Variants in SEC22C observed in about 807,000 individuals in gnomAD.
The protein encoded by SEC22C is SEC22 homolog C, vesicle trafficking protein.
In SEC22C, 29 loss-of-function variants were observed where a neutral mutation model predicts 34.7. The observed-to-expected ratio is 0.84, with a 90% CI of 0.62 to 1.14. SEC22C has a LOEUF of 1.14. Ranked by LOEUF, SEC22C falls within the 50% of genes most tolerant of loss-of-function variation. SEC22C has a pLI of 0.00. For missense variants in SEC22C, 337 were observed against 369.0 expected, an observed-to-expected ratio of 0.91 and a Z score of 0.71; for synonymous variants, 117 against 132.8, an observed-to-expected ratio of 0.88 and a Z score of 0.82.
intron 3 of SEC22C, among the ~76,000 whole-genome samples, chr3:42,563,212 C>T (rs1269247934): frequency 6.6e-6 from 1 of 152,236 alleles, no homozygotes; most frequent in Non-Finnish European, 1.5e-5. Flanking sequence ...ATTTATAAAA[C>T]AGGCGGCTGG....
At chr3:42,582,723 TCTAGG>T (rs535421720), upstream of SEC22C, among the ~76,000 whole-genome samples, 32 of 152,258 alleles carry the variant, frequency 2.1e-4, no homozygotes, top group South Asian at 4.1e-3. Flanking sequence ...TACAGAAGCT[TCTAGG>T]CTGGTGTTGG....
At position 42,551,722 on chromosome 3, in the gene SEC22C, A is replaced by C; in HGVS notation, c.*1526T>G. 1 of 960,154 alleles carries C rather than the reference A, an allele frequency of 1.0e-6. No homozygotes were observed. Among genetic ancestry groups the C allele is most frequent in the Non-Finnish European group, 1.2e-6 (1 of 806,932 alleles). 59.5% of individuals were successfully genotyped at this position (960,154 alleles called of 1,614,324 possible). A position where few individuals can be genotyped will look rare whatever the true frequency, so the allele number is the denominator to read the frequency against. On this transcript the variant is annotated 3_prime_UTR_variant, in exon 7 of 7. Coordinates refer to ENST00000264454, the MANE Select transcript of SEC22C (RefSeq NM_032970.4). ...TACTATGGCAACATTTTCCCAACAT[A>C]GTTCCCAGTATATAAACTTATTTTT...
intron 1 of SEC22C, among the ~76,000 whole-genome samples, chr3:42,598,093 G>A (rs187151145): frequency 1.3e-4 from 20 of 152,218 alleles, no homozygotes; most frequent in Admixed American, 3.3e-4. Flanking sequence ...CAAAATAATT[G>A]AAAGCAGGTT....
intron 1 of SEC22C, chr3:42,591,247 T>C: frequency 1.8e-6 from 1 of 551,032 alleles, no homozygotes; most frequent in Non-Finnish European, 3.2e-6. Flanking sequence ...TCGCCCAGGC[T>C]GGAGTGCAGT....
intron 1 of SEC22C, among the ~76,000 whole-genome samples, chr3:42,581,029 A>G (rs1704306127): frequency 2.0e-5 from 3 of 152,236 alleles, no homozygotes; most frequent in Non-Finnish European, 4.4e-5. Context: ...TGCAAATGCA[A>G]ACACTTAAAT....
chr3:42,572,656 T>C (rs1703719388), intron 1 of SEC22C, among the ~76,000 whole-genome samples: 1 of 152,218 alleles, frequency 6.6e-6, no homozygotes, highest in Non-Finnish European at 1.5e-5. Flanking sequence ...TTGCTTCCCC[T>C]GCTGGAGTGG....
At position 42,551,353 on chromosome 3, in the gene SEC22C, CT is replaced by C. The variant is rs561888963; in HGVS notation, c.*1894del. 8.4e-3 allele frequency: 8,280 copies of C among 984,868 alleles called. 42 individuals are homozygous for C. The highest frequency in any genetic ancestry group is 9.5e-3 in the Non-Finnish European group (7,856 of 829,596). 61.0% of individuals were successfully genotyped at this position (984,868 alleles called of 1,614,324 possible). A position where few individuals can be genotyped will look rare whatever the true frequency, so the allele number is the denominator to read the frequency against. On this transcript the variant is annotated 3_prime_UTR_variant, in exon 7 of 7. Transcript: ENST00000264454. ...TGCCAATATAATTTTCATATTCAGA[CT>C]TTTTAGAGACAGGGTTTCACTCTGT... is the stretch of plus-strand genomic sequence containing the variant.
chr3:42,558,543 T>C (rs1333840272), intron 4 of SEC22C, among the ~76,000 whole-genome samples: 1 of 148,936 alleles, frequency 6.7e-6, no homozygotes, highest in Non-Finnish European at 1.5e-5. Flanking sequence ...TCCCAGCACT[T>C]TGGGAGGCTA....
At chr3:42,590,511 C>G (rs1704782843) in intron 1 of SEC22C, among the ~76,000 whole-genome samples, 1 of 151,734 alleles carries the variant, frequency 6.6e-6, no homozygotes, top group South Asian at 2.1e-4. Flanking sequence ...CCTGTAGTCC[C>G]AGGAGGCGGA....
intron 1 of SEC22C, among the ~76,000 whole-genome samples, chr3:42,592,041 G>GAC (rs571081662): frequency 6.6e-6 from 1 of 152,068 alleles, no homozygotes; most frequent in Non-Finnish European, 1.5e-5. Flanking sequence ...GTCTGTTAGT[G>GAC]ACACACACAC....
intron 2 of SEC22C, 68 bp from the exon 3 acceptor site, chr3:42,563,754 C>T: frequency 6.2e-7 from 1 of 1,603,484 alleles, no homozygotes; most frequent in Non-Finnish European, 8.5e-7. Context: ...CACACCCAGA[C>T]ACAACCTTAC....
chr3:42,583,151 G>A (rs1008424974), upstream of SEC22C, among the ~76,000 whole-genome samples: 1 of 152,208 alleles, frequency 6.6e-6, no homozygotes, highest in Non-Finnish European at 1.5e-5. Context: ...TAGAACACTG[G>A]TCAAAATTGC....
chr3:42,585,128 T>C (rs1704569308), upstream of SEC22C, among the ~76,000 whole-genome samples: 1 of 151,862 alleles, frequency 6.6e-6, no homozygotes, highest in Admixed American at 6.6e-5. Context: ...AAACTCCATC[T>C]CAAAAAACAA....
chr3:42,582,807 A>C (rs184627470), upstream of SEC22C, among the ~76,000 whole-genome samples: 8 of 152,206 alleles, frequency 5.3e-5, no homozygotes, highest in Non-Finnish European at 1.0e-4. Context: ...TAGCATGTAT[A>C]TAAGAACTCT....
intron 1 of SEC22C, among the ~76,000 whole-genome samples, chr3:42,572,361 C>T (rs1190331259): frequency 6.6e-6 from 1 of 152,192 alleles, no homozygotes; most frequent in Non-Finnish European, 1.5e-5. Context: ...AGCTACCACA[C>T]ACCTGCCAAC....
At chr3:42,574,762 T>C (rs936322494) in intron 1 of SEC22C, among the ~76,000 whole-genome samples, 2 of 152,120 alleles carry the variant, frequency 1.3e-5, no homozygotes, top group African/African-American at 4.8e-5. Context: ...CAAACACATA[T>C]ACACCCCACT....
intron 2 of SEC22C, among the ~76,000 whole-genome samples, chr3:42,567,649 G>C (rs1559521202): frequency 1.3e-5 from 2 of 152,036 alleles, no homozygotes; most frequent in African/African-American, 4.8e-5. Context: ...ACTTCCAATG[G>C]AACATTTTCC....
chr3:42,569,914 G>A (rs1703506150), intron 1 of SEC22C, among the ~76,000 whole-genome samples: 1 of 152,132 alleles, frequency 6.6e-6, no homozygotes, highest in Non-Finnish European at 1.5e-5. Flanking sequence ...AACACTGCAG[G>A]GTGCTTGTTC....
intron 1 of SEC22C, among the ~76,000 whole-genome samples, chr3:42,575,208 G>T (rs1209889525): frequency 1.3e-5 from 2 of 152,052 alleles, no homozygotes; most frequent in East Asian, 3.8e-4. Flanking sequence ...AAAGAAAACA[G>T]AGAAATAACA....
Sources: allele counts gnomAD v4.1 joint callset (sites outside exome capture counted in the v4.1 genomes callset), GRCh38; gene constraint gnomAD v4.1.1; transcripts MANE v1.5; gene names NCBI Gene and HGNC (gene_info 2026-07-23, HGNC 2026-07-21).